The following MAP4K4 variants were observed in gnomAD, a reference collection of about 807,000 sequenced individuals.
MAP4K4 encodes mitogen-activated protein kinase kinase kinase kinase 4.
MAP4K4 carries 38 observed loss-of-function variants against 189.6 expected under a neutral mutation model. The ratio of observed to expected loss-of-function variants is 0.20; its 90% confidence interval spans 0.15 to 0.26. The LOEUF is 0.26. Among genes scored for constraint, MAP4K4 ranks in the 10% least tolerant of loss-of-function variants. MAP4K4 has a pLI of 1.00. For synonymous variants in MAP4K4, 610 were observed against 624.3 expected (o/e 0.98, Z 0.34); for missense variants, 1,054 against 1,726.9 (o/e 0.61, Z 6.91).
At chr2:101,889,862 C>T (rs143912504) in intron 32 of MAP4K4, among the ~76,000 whole-genome samples, 1 of 152,314 alleles carries the variant, frequency 6.6e-6, no homozygotes, top group Non-Finnish European at 1.5e-5. Context: ...TTGCCCGATA[C>T]ATCCCAAACA....
intron 3 of MAP4K4, among the ~76,000 whole-genome samples, chr2:101,799,066 A>G (rs1268737556): frequency 1.3e-5 from 2 of 152,202 alleles, no homozygotes; most frequent in African/African-American, 2.4e-5. Flanking sequence ...TTTCCCAGGA[A>G]CATAAATTTG....
At chr2:101,713,393 A>C (rs1025637027) in intron 2 of MAP4K4, among the ~76,000 whole-genome samples, 2 of 151,840 alleles carry the variant, frequency 1.3e-5, no homozygotes, top group Non-Finnish European at 2.9e-5. Flanking sequence ...TCAGGAGTTC[A>C]AGACCAGGCT....
intron 3 of MAP4K4, among the ~76,000 whole-genome samples, chr2:101,814,788 G>T (rs563201636): frequency 2.6e-5 from 4 of 152,164 alleles, no homozygotes. Flanking sequence ...GTGTACTGTG[G>T]TGATTCATGA....
chr2:101,711,155 T>G (rs543784928), intron 2 of MAP4K4, among the ~76,000 whole-genome samples: 2 of 152,322 alleles, frequency 1.3e-5, no homozygotes, highest in South Asian at 4.1e-4. Flanking sequence ...GGGAGACTGC[T>G]TTGTTCAGCT....
intron 2 of MAP4K4, among the ~76,000 whole-genome samples, chr2:101,773,663 G>A (rs778867398): frequency 1.3e-5 from 2 of 152,116 alleles, no homozygotes; most frequent in African/African-American, 2.4e-5. Context: ...GCACCCTGTT[G>A]TGCTGTTAAA....
chr2:101,883,628 A>G (rs1297512458), intron 28 of MAP4K4, among the ~76,000 whole-genome samples: 1 of 152,238 alleles, frequency 6.6e-6, no homozygotes, highest in Non-Finnish European at 1.5e-5. Flanking sequence ...AACAGAATTT[A>G]AACAGGAAGT....
intron 7 of MAP4K4, 60 bp from the exon 8 acceptor site, chr2:101,834,349 T>C (rs548291095): frequency 2.4e-6 from 3 of 1,270,038 alleles, no homozygotes; most frequent in Non-Finnish European, 3.4e-6. Context: ...TACCCAGACA[T>C]GTAAGTTAGT....
chr2:101,857,331 G>A (rs2097504317), intron 13 of MAP4K4, among the ~76,000 whole-genome samples: 2 of 152,174 alleles, frequency 1.3e-5, no homozygotes, highest in African/African-American at 2.4e-5. Flanking sequence ...GCTGTAGGAC[G>A]CATTTCATTT....
chr2:101,820,461 T>C (rs2095981283), intron 3 of MAP4K4, among the ~76,000 whole-genome samples: 1 of 152,192 alleles, frequency 6.6e-6, no homozygotes, highest in Non-Finnish European at 1.5e-5. Context: ...TTTGTGTAGT[T>C]TTTATACCCC....
chr2:101,740,929 C>T (rs2062457255), intron 2 of MAP4K4, among the ~76,000 whole-genome samples: 1 of 151,994 alleles, frequency 6.6e-6, no homozygotes, highest in South Asian at 2.1e-4. Context: ...TGAGCCAGAC[C>T]CTGAACTGTT....
chr2:101,718,256 C>CAAAAA (rs879284137), intron 2 of MAP4K4, among the ~76,000 whole-genome samples: 1 of 88,846 alleles, frequency 1.1e-5, no homozygotes, highest in Non-Finnish European at 2.4e-5. Context: ...GACTCCGTCT[C>CAAAAA]AAAAAAAAAA....
chr2:101,799,852 C>T (rs896420612), intron 3 of MAP4K4, among the ~76,000 whole-genome samples: 1 of 152,168 alleles, frequency 6.6e-6, no homozygotes, highest in African/African-American at 2.4e-5. Context: ...GTCTTCCTGC[C>T]TTGGCCATCC....
intron 16 of MAP4K4, among the ~76,000 whole-genome samples, chr2:101,862,423 A>G (rs755310623): frequency 2.0e-5 from 3 of 152,016 alleles, no homozygotes; most frequent in Non-Finnish European, 4.4e-5. Flanking sequence ...GTAACTGGAC[A>G]CAATTAAAAG....
chr2:101,830,226 T>G (rs1442910744), intron 6 of MAP4K4, among the ~76,000 whole-genome samples: 5 of 152,160 alleles, frequency 3.3e-5, no homozygotes, highest in Admixed American at 1.3e-4. Flanking sequence ...ACTGTCTCCT[T>G]TGCCAGAATG....
At chr2:101,873,830 G>C in intron 25 of MAP4K4, 66 bp downstream of exon 25, 1 of 1,182,802 alleles carries the variant, frequency 8.5e-7, no homozygotes, top group Non-Finnish European at 1.2e-6. Context: ...GCTCTTTTGG[G>C]TGGCTTAGGT....
intron 3 of MAP4K4, among the ~76,000 whole-genome samples, chr2:101,807,167 C>T (rs540784211): frequency 1.0e-3 from 152 of 152,040 alleles, no homozygotes; most frequent in African/African-American, 3.6e-3. Flanking sequence ...TCTCCCACTT[C>T]GGCCTCTTGA....
At chr2:101,732,834 G>C (rs1015960052) in intron 2 of MAP4K4, among the ~76,000 whole-genome samples, 1 of 152,248 alleles carries the variant, frequency 6.6e-6, no homozygotes, top group African/African-American at 2.4e-5. Context: ...TGATCCGCCT[G>C]CCTCGGCCTC....
chr2:101,880,020 C>A (rs1341770515), intron 27 of MAP4K4, among the ~76,000 whole-genome samples: 2 of 151,932 alleles, frequency 1.3e-5, no homozygotes, highest in African/African-American at 4.8e-5. Context: ...TATCTTTAAT[C>A]CATTTTGTAA....
chr2:101,780,440 G>T (rs963753993), intron 2 of MAP4K4, among the ~76,000 whole-genome samples: 2 of 152,236 alleles, frequency 1.3e-5, no homozygotes, highest in African/African-American at 4.8e-5. Context: ...TGGGAGAAAT[G>T]TGGAGAAACT....
Sources: gnomAD v4.1 joint callset for allele counts (sites outside exome capture counted in the v4.1 genomes callset) on GRCh38, gnomAD v4.1.1 for gene constraint, MANE v1.5 for transcripts, NCBI Gene and HGNC (gene_info 2026-07-23, HGNC 2026-07-21) for gene names.